Variants in WASHC2A observed in about 807,000 individuals in gnomAD.
The protein encoded by WASHC2A is WASH complex subunit 2A, also known as WASH complex subunit FAM21A.
A neutral mutation model predicts 140.3 loss-of-function variants in WASHC2A; 82 were observed. That is an observed-to-expected ratio of 0.58 (90% CI 0.49 to 0.70). The LOEUF (loss-of-function observed/expected upper bound fraction) is 0.70, where lower values mean the gene tolerates loss of function less well. WASHC2A is among the 30% of genes least tolerant of loss of function. The pLI is 0.00. For synonymous variants in WASHC2A, 340 were observed against 560.8 expected (o/e 0.61, Z 5.56); for missense variants, 985 against 1,521.8 (o/e 0.65, Z 5.87).
chr10:50,100,342 T>C (rs1361371063), intron 17 of WASHC2A, among the ~76,000 whole-genome samples: 14 of 150,986 alleles, frequency 9.3e-5, no homozygotes, highest in South Asian at 4.2e-4. Context: ...ATTAGCTGGG[T>C]ATGGTGGTGC....
At chr10:50,102,534 T>C (rs1412662407) in intron 17 of WASHC2A, among the ~76,000 whole-genome samples, 16 of 152,104 alleles carry the variant, frequency 1.1e-4, no homozygotes, top group East Asian at 1.9e-4. Flanking sequence ...GGAATTCCCC[T>C]TGTGGCCTCT....
rs201105382 is a variant in WASHC2A at position 50,099,964 on chromosome 10, C to G, written c.1549-14C>G. The G allele has an allele frequency of 2.2e-4, 295 of 1,351,154 alleles. 7 individuals carry two copies. The highest frequency in any genetic ancestry group is 5.9e-4 in the Middle Eastern group (3 of 5,118). 83.7% of individuals were successfully genotyped at this position (1,351,154 alleles called of 1,614,324 possible). A position where few individuals can be genotyped will look rare whatever the true frequency, so the allele number is the denominator to read the frequency against. ...TTTTTTTCTTCCCCACCCCCCCCCCCACCCCCGACAAAGGTTACCTTATCT... is the reference window on the plus strand; with the variant it reads ...TTTTTTTCTTCCCCACCCCCCCCCCGACCCCCGACAAAGGTTACCTTATCT... On this transcript the variant is annotated splice_polypyrimidine_tract_variant and intron_variant, in intron 16 of 30. Transcript: ENST00000282633.
In WASHC2A at chr10:50,125,138, A is replaced by G. The variant is rs1195317995; in HGVS notation, c.2504A>G (p.Lys835Arg). 323 of 1,611,674 alleles carry G rather than the reference A, an allele frequency of 2.0e-4. No homozygotes were observed. Among genetic ancestry groups the G allele is most frequent in the Middle Eastern group, 6.7e-4 (3 of 4,452 alleles). The change falls in exon 24 of 31, where the codon AAG becomes AGG. Residue 835 changes from lysine to arginine, a missense_variant. Coordinates refer to ENST00000282633, the MANE Select transcript of WASHC2A (RefSeq NM_001005751.3). Reference sequence around the variant, plus strand: ...GGCCGCGATCCTGATGCCCACCCCAAGAGCACAGGTGTCTTCCAGGATGAA... The same window carrying G: ...GGCCGCGATCCTGATGCCCACCCCAGGAGCACAGGTGTCTTCCAGGATGAA... ...GKGRDPDAHP[K>R]STGVFQDEEL...
At chr10:50,073,290 A>G (rs1554876845) in intron 3 of WASHC2A, among the ~76,000 whole-genome samples, 1 of 152,166 alleles carries the variant, frequency 6.6e-6, no homozygotes, top group East Asian at 1.9e-4. Context: ...AATTAAAAAA[A>G]AAATTCCAGA....
intron 28 of WASHC2A, among the ~76,000 whole-genome samples, chr10:50,129,111 A>G (rs4042914): frequency 0.29 from 44,448 of 151,964 alleles, 7,301 homozygotes; most frequent in Middle Eastern, 0.41. Flanking sequence ...GAGCCAACAT[A>G]CCTACTTTCC....
In WASHC2A at chr10:50,083,188, T is replaced by C. The variant is rs1204062967; in HGVS notation, c.529-884T>C. Among the ~76,000 whole-genome samples the C allele has an allele frequency of 5.4e-5, 6 of 111,676 alleles. 1 individual carries two copies. The highest frequency in any genetic ancestry group is 9.0e-5 in the Non-Finnish European group (5 of 55,578). 73.3% of individuals were successfully genotyped at this position (111,676 alleles called of 152,430 possible). ...TAATTTTTAGTATTTTCGGTAGATA[T>C]TGGGTTTCACCACGTTGGCCAGGCT... On this transcript the variant is annotated intron_variant, in intron 5 of 30. Coordinates refer to ENST00000282633, the MANE Select transcript of WASHC2A (RefSeq NM_001005751.3).
At chr10:50,125,650 T>A (rs1397322318) in intron 25 of WASHC2A, among the ~76,000 whole-genome samples, 1 of 152,218 alleles carries the variant, frequency 6.6e-6, no homozygotes, top group Non-Finnish European at 1.5e-5. Context: ...ATGTTCCCTA[T>A]ACTAACATTA....
At chr10:50,107,646 G>T (rs1589243731) in intron 19 of WASHC2A, among the ~76,000 whole-genome samples, 1 of 152,232 alleles carries the variant, frequency 6.6e-6, no homozygotes, top group East Asian at 1.9e-4. Flanking sequence ...ATGCGGCCGG[G>T]CGTGGTGGCT....
intron 17 of WASHC2A, 141 bp downstream of exon 17, chr10:50,100,205 A>G (rs1589222885): frequency 6.7e-7 from 1 of 1,483,676 alleles, no homozygotes; most frequent in Non-Finnish European, 9.1e-7. Flanking sequence ...TCTAGAGGCC[A>G]GGAGTAGTGG....
intron 17 of WASHC2A, among the ~76,000 whole-genome samples, chr10:50,101,913 G>A (rs371694677): frequency 0.06 from 7,613 of 127,438 alleles, no homozygotes; most frequent in Admixed American, 0.11. Flanking sequence ...CAGGGAAGCC[G>A]GTCCTCTTAC....
At chr10:50,100,486 T>C (rs1162609386) in intron 17 of WASHC2A, among the ~76,000 whole-genome samples, 1 of 152,174 alleles carries the variant, frequency 6.6e-6, no homozygotes, top group African/African-American at 2.4e-5. Context: ...CATCTCAAAA[T>C]AAATAAATGA....
chr10:50,089,775 T>C lies in WASHC2A; in HGVS notation c.733-1001T>C, dbSNP rs1839708931. ...CAGTATTCTTACTAAGGTAAGACTA[T>C]GCTGATGATGTTTATATTTCTCTAG... On this transcript the variant is annotated intron_variant, in intron 8 of 30. Coordinates refer to ENST00000282633, the MANE Select transcript of WASHC2A (RefSeq NM_001005751.3). Among the ~76,000 whole-genome samples, 6 of 152,222 alleles carry C rather than the reference T, an allele frequency of 3.9e-5. No homozygotes were observed. The South Asian group carries it at 1.2e-3, about 32-fold the overall frequency.
chr10:50,131,338 G>A, intron 30 of WASHC2A: 1 of 643,872 alleles, frequency 1.6e-6, no homozygotes, highest in Non-Finnish European at 2.8e-6. Context: ...TGATCTCAGT[G>A]CACCTCACCA....
intron 10 of WASHC2A, among the ~76,000 whole-genome samples, chr10:50,091,925 C>T (rs1490229464): frequency 3.9e-5 from 6 of 152,162 alleles, no homozygotes; most frequent in Non-Finnish European, 7.3e-5. Flanking sequence ...TCAACAAATA[C>T]AATCCTGTTA....
At chr10:50,121,364 C>G (rs1589272818) in intron 23 of WASHC2A, among the ~76,000 whole-genome samples, 1 of 147,172 alleles carries the variant, frequency 6.8e-6, no homozygotes, top group South Asian at 2.1e-4. Context: ...TGAACATTTA[C>G]TAACTTACAA....
chr10:50,109,415 T>C (rs1315992683), intron 19 of WASHC2A, among the ~76,000 whole-genome samples: 1 of 152,228 alleles, frequency 6.6e-6, no homozygotes, highest in East Asian at 1.9e-4. Flanking sequence ...AGAATTAAAA[T>C]ATTCTTCTCT....
Position 50,130,927 on chromosome 10 carries a change from T to G in WASHC2A, c.3735T>G (p.Ile1245Met), listed in dbSNP as rs1589294741. Residue 1245 changes from isoleucine to methionine, a missense_variant, in exon 30 of 31, where the codon ATT becomes ATG. Physicochemically the swap from Ile to Met is conservative, Grantham distance 10. Coordinates refer to ENST00000282633, the MANE Select transcript of WASHC2A (RefSeq NM_001005751.3). Reference protein sequence around the residue: ...FEDDIFATEAIKPSQKTREKE... With the variant: ...FEDDIFATEAMKPSQKTREKE... ...ATGATATATTTGCTACGGAAGCAATTAAACCCTCTCAGAAAACCAGAGAGA... is the reference window on the plus strand; with the variant it reads ...ATGATATATTTGCTACGGAAGCAATGAAACCCTCTCAGAAAACCAGAGAGA... The G allele has an allele frequency of 6.2e-7, 1 of 1,608,106 alleles. No individual in the cohort carries two copies.
Position 50,097,748 on chromosome 10 carries a change from G to A in WASHC2A, c.1494G>A (p.Ser498=), listed in dbSNP as rs1184140774. 3.4e-4 allele frequency: 542 copies of A among 1,606,948 alleles called. 2 individuals carry two copies. In the African/African-American group the frequency reaches 3.8e-3, roughly 11 times the overall value. ...GDLFKEKAVA[S]PEATVSQTDE... is the part of the protein sequence containing the mutation. ...TGTTCAAAGAAAAAGCCGTAGCATC[G>A]CCAGAAGCCACTGTGAGTCAGACAG... The change falls in exon 16 of 31, where the codon TCG becomes TCA. Residue 498 remains serine, a synonymous_variant. Transcript: ENST00000282633.
At position 50,068,203 on chromosome 10, in the gene WASHC2A, C is replaced by T. The variant is rs781957807; in HGVS notation, c.102C>T (p.Ser34=). The T allele has an allele frequency of 1.3e-5, 21 of 1,589,874 alleles. No individual in the cohort carries two copies. The Admixed American group carries it at 3.7e-4, about 28-fold the overall frequency. The change falls in exon 2 of 31, where the codon AGC becomes AGT. Residue 34 remains serine (S), a synonymous_variant. Transcript: ENST00000282633. ...SVEEIRRSSQ[S]WSLAADAGLL... ...AGGAGATCCGCAGGAGCAGCCAGAGCTGGTCGCTGGCGGCCGACGCGGGCG... is the reference window on the plus strand; with the variant it reads ...AGGAGATCCGCAGGAGCAGCCAGAGTTGGTCGCTGGCGGCCGACGCGGGCG...
Sources: allele counts gnomAD v4.1 joint callset (sites outside exome capture counted in the v4.1 genomes callset), GRCh38; gene constraint gnomAD v4.1.1; transcripts MANE v1.5; gene names NCBI Gene and HGNC (gene_info 2026-07-23, HGNC 2026-07-21).